Variants in DNAAF11 observed in about 807,000 individuals in gnomAD.
DNAAF11 encodes the protein dynein axonemal assembly factor 11.
Under a neutral mutation model 60.8 loss-of-function variants are expected in DNAAF11, and 45 were observed. The observed-to-expected ratio is 0.74, with a 90% CI of 0.58 to 0.95. The LOEUF (loss-of-function observed/expected upper bound fraction) is 0.95, where lower values mean the gene tolerates loss of function less well. Ranked by LOEUF, DNAAF11 falls within the 40% of genes least tolerant of loss-of-function variation. DNAAF11 has a pLI of 0.00. For synonymous variants in DNAAF11, 191 were observed against 183.5 expected, an observed-to-expected ratio of 1.04 and a Z score of -0.33; for missense variants, 546 against 546.2, an observed-to-expected ratio of 1.00 and a Z score of 0.00.
intron 10 of DNAAF11, among the ~76,000 whole-genome samples, chr8:132,586,989 A>G (rs1386382189): frequency 2.0e-5 from 3 of 152,170 alleles, no homozygotes; most frequent in Non-Finnish European, 4.4e-5. Context: ...ATGTTAGTTA[A>G]AATTCATTAA....
the DNAAF11 span, among the ~76,000 whole-genome samples, chr8:132,682,717 G>A: frequency 2.0e-5 from 3 of 152,130 alleles, no homozygotes; most frequent in African/African-American, 7.2e-5. Flanking sequence ...TAATACATGA[G>A]GCTGTGTAAT....
chr8:132,586,479 G>A (rs1563977794), intron 10 of DNAAF11, among the ~76,000 whole-genome samples: 1 of 152,226 alleles, frequency 6.6e-6, no homozygotes, highest in African/African-American at 2.4e-5. Flanking sequence ...ACCCATGTGT[G>A]TTGGTCATGT....
At chr8:132,634,703 T>C (rs1041038503) in intron 4 of DNAAF11, among the ~76,000 whole-genome samples, 22 of 149,316 alleles carry the variant, frequency 1.5e-4, no homozygotes, top group African/African-American at 4.4e-4. Context: ...ACTAATACTA[T>C]ATAAATAAAG....
At chr8:132,701,222 G>A in the DNAAF11 span, among the ~76,000 whole-genome samples, 1 of 152,118 alleles carries the variant, frequency 6.6e-6, no homozygotes, top group Non-Finnish European at 1.5e-5. Flanking sequence ...ATAGCACTGG[G>A]ATACAGAACA....
rs528554182 is a variant in DNAAF11, at chr8:132,575,361, G to A, written c.1227-2881C>T. Among the ~76,000 whole-genome samples, 4 of 152,310 alleles carry A rather than the reference G, an allele frequency of 2.6e-5. No homozygotes were observed. The South Asian group carries it at 8.3e-4, about 32-fold the overall frequency. ...AAGTGTCAGTGCCATGTAGGAAAAG[G>A]GTGGCATCAGTCAATATGTACTAGG... On this transcript the variant is annotated intron_variant, in intron 11 of 11. Transcript: ENST00000620350.
the DNAAF11 span, among the ~76,000 whole-genome samples, chr8:132,693,843 C>T: frequency 6.6e-6 from 1 of 152,058 alleles, no homozygotes; most frequent in African/African-American, 2.4e-5. Flanking sequence ...GGCATGGTGA[C>T]CCACCTGCTT....
intron 10 of DNAAF11, among the ~76,000 whole-genome samples, chr8:132,586,928 C>T (rs538360120): frequency 3.3e-5 from 5 of 152,090 alleles, no homozygotes; most frequent in African/African-American, 7.2e-5. Context: ...AGCAATGGCA[C>T]CTTAGCACCT....
At chr8:132,698,311 A>T in the DNAAF11 span, among the ~76,000 whole-genome samples, 2 of 152,290 alleles carry the variant, frequency 1.3e-5, no homozygotes, top group Admixed American at 6.5e-5. Context: ...GAGAGGTTAG[A>T]TGATTTTCCC....
intron 3 of DNAAF11, among the ~76,000 whole-genome samples, chr8:132,648,372 AGCTATTTATGACACAC>A (rs1822622385): frequency 6.6e-6 from 1 of 152,170 alleles, no homozygotes; most frequent in South Asian, 2.1e-4. Flanking sequence ...AAATATTAAG[AGCTATTTATGACACAC>A]GCACAGCCAA....
intron 4 of DNAAF11, among the ~76,000 whole-genome samples, chr8:132,634,423 C>T (rs375673260): frequency 9.3e-4 from 141 of 152,176 alleles, no homozygotes; most frequent in Middle Eastern, 3.4e-3. Flanking sequence ...TTTCATAAGG[C>T]TGTTTCTTGT....
the DNAAF11 span, among the ~76,000 whole-genome samples, chr8:132,681,600 G>C: frequency 6.6e-5 from 10 of 152,042 alleles, no homozygotes; most frequent in Admixed American, 6.5e-4. Context: ...GAAAATTCCA[G>C]TGCTTTCTTT....
At chr8:132,660,702 C>T (rs7840354) in intron 2 of DNAAF11, among the ~76,000 whole-genome samples, 2,164 of 152,248 alleles carry the variant, frequency 0.014, 58 homozygotes, top group African/African-American at 0.049. Context: ...TGAGCATGCC[C>T]AGTCCTACCC....
intron 10 of DNAAF11, among the ~76,000 whole-genome samples, chr8:132,601,916 T>TATA (rs943927326): frequency 7.2e-5 from 11 of 151,798 alleles, no homozygotes; most frequent in Non-Finnish European, 1.0e-4. Flanking sequence ...GAACTTAAAG[T>TATA]ATAATAATAA....
In DNAAF11 at chr8:132,570,613, A is replaced by G. The variant is rs1452728975; in HGVS notation, c.*1693T>C. Among the ~76,000 whole-genome samples the G allele has an allele frequency of 6.6e-6, 1 of 152,088 alleles. No homozygotes were observed. The highest frequency in any genetic ancestry group is 1.5e-5 in the Non-Finnish European group (1 of 68,014). Reference sequence around the variant, plus strand: ...GCTGTTTTCCAGAATTTCCTTCCCTACGTGGTTCCTGGGTAGAGTTGACCA... The same window carrying G: ...GCTGTTTTCCAGAATTTCCTTCCCTGCGTGGTTCCTGGGTAGAGTTGACCA... On this transcript the variant is annotated 3_prime_UTR_variant, in exon 12 of 12. Transcript: ENST00000620350.
upstream of DNAAF11, among the ~76,000 whole-genome samples, chr8:132,680,121 A>G (rs945707604): frequency 1.3e-5 from 2 of 152,224 alleles, no homozygotes; most frequent in Admixed American, 1.3e-4. Context: ...ATGTGCTGTG[A>G]TTGTCACAGT....
intron 11 of DNAAF11, among the ~76,000 whole-genome samples, chr8:132,574,720 T>G (rs542316765): frequency 6.6e-6 from 1 of 152,210 alleles, no homozygotes; most frequent in Non-Finnish European, 1.5e-5. Context: ...TGGGGTCATC[T>G]TGGGGACCCT....
the DNAAF11 span, among the ~76,000 whole-genome samples, chr8:132,681,517 A>T: frequency 6.6e-6 from 1 of 152,162 alleles, no homozygotes; most frequent in Admixed American, 6.5e-5. Context: ...ACTTAAGTTG[A>T]TCTACTGCAT....
intron 3 of DNAAF11, among the ~76,000 whole-genome samples, chr8:132,647,016 T>C (rs1822467822): frequency 6.6e-6 from 1 of 152,144 alleles, no homozygotes; most frequent in African/African-American, 2.4e-5. Context: ...TACACAACTC[T>C]CCACCCCAAA....
At chr8:132,653,202 GTAGA>G (rs1271869423) in intron 3 of DNAAF11, among the ~76,000 whole-genome samples, 4 of 152,102 alleles carry the variant, frequency 2.6e-5, no homozygotes, top group Admixed American at 6.6e-5. Context: ...AAGATAATAG[GTAGA>G]TGGATGGATA....
Sources: gnomAD v4.1 joint callset for allele counts (sites outside exome capture counted in the v4.1 genomes callset) on GRCh38, gnomAD v4.1.1 for gene constraint, MANE v1.5 for transcripts, NCBI Gene and HGNC (gene_info 2026-07-23, HGNC 2026-07-21) for gene names.